GRID2: variants seen among roughly 807,000 people sequenced by gnomAD.
GRID2 encodes glutamate ionotropic receptor delta type subunit 2.
A neutral mutation model predicts 114.8 loss-of-function variants in GRID2; 33 were observed. That is an observed-to-expected ratio of 0.29 (90% CI 0.22 to 0.38). GRID2 has a LOEUF of 0.38. Ranked by LOEUF, GRID2 falls within the 10% of genes least tolerant of loss-of-function variation. GRID2 has a pLI of 1.00. For synonymous variants in GRID2, 505 were observed against 449.9 expected, an observed-to-expected ratio of 1.12 and a Z score of -1.55; for missense variants, 1,184 against 1,257.7, an observed-to-expected ratio of 0.94 and a Z score of 0.89.
intron 12 of GRID2, among the ~76,000 whole-genome samples, chr4:93,493,042 T>G (rs145766156): frequency 2.0e-4 from 30 of 151,984 alleles, no homozygotes; most frequent in African/African-American, 7.0e-4. Context: ...TGTAATATCC[T>G]CCAAGTTCAT....
chr4:93,316,328 GAAAGAAA>G (rs1560490889), intron 8 of GRID2, among the ~76,000 whole-genome samples: 5 of 49,984 alleles, frequency 1.0e-4, no homozygotes, highest in Non-Finnish European at 1.6e-4. Context: ...AAGAAAGAAA[GAAAGAAA>G]GAAAGAAGGA....
At chr4:92,681,842 A>T (rs1158139816) in intron 2 of GRID2, among the ~76,000 whole-genome samples, 3 of 152,148 alleles carry the variant, frequency 2.0e-5, no homozygotes, top group African/African-American at 7.2e-5. Context: ...GATGAAGGGT[A>T]TATGGTAAAG....
intron 10 of GRID2, among the ~76,000 whole-genome samples, chr4:93,436,130 G>A (rs1320225466): frequency 6.6e-6 from 1 of 152,206 alleles, no homozygotes; most frequent in Non-Finnish European, 1.5e-5. Context: ...CACAAAACTG[G>A]CCTATTCAGG....
At chr4:92,959,821 A>AG (rs1752675087) in intron 2 of GRID2, among the ~76,000 whole-genome samples, 1 of 151,996 alleles carries the variant, frequency 6.6e-6, no homozygotes, top group Admixed American at 6.6e-5. Context: ...ACATGGACAC[A>AG]GGGAGGGGAA....
At chr4:93,797,618 A>AT (rs890256658) in intron 1 of GRID2, among the ~76,000 whole-genome samples, 2 of 152,014 alleles carry the variant, frequency 1.3e-5, no homozygotes, top group Non-Finnish European at 2.9e-5. Context: ...CTACTTCAGC[A>AT]TTTTTCCCTC....
In GRID2 at chr4:92,980,844, T is replaced by C. The variant is rs74945001; in HGVS notation, c.245-104151T>C. On this transcript the variant is annotated intron_variant, in intron 2 of 15. Coordinates refer to ENST00000282020, the MANE Select transcript of GRID2 (RefSeq NM_001510.4). ...AGAATGAATAATATGGGTTTGAAAA[T>C]GTGGCAAATTATCCCAAAAATATGT... 3.0e-3 allele frequency among the ~76,000 whole-genome samples: 453 copies of C among 152,164 alleles called. 2 individuals carry two copies. The highest frequency in any genetic ancestry group is 9.7e-3 in the African/African-American group (401 of 41,510).
chr4:93,619,013 TAA>T (rs1741968232), intron 13 of GRID2, among the ~76,000 whole-genome samples: 1 of 152,212 alleles, frequency 6.6e-6, no homozygotes, highest in South Asian at 2.1e-4. Context: ...GAGGTGGGCA[TAA>T]CACTTCTTTT....
chr4:92,549,305 C>CATAA (rs1382180538), intron 1 of GRID2, among the ~76,000 whole-genome samples: 1 of 152,030 alleles, frequency 6.6e-6, no homozygotes, highest in African/African-American at 2.4e-5. Context: ...GAACATTATA[C>CATAA]CATTAATGTG....
chr4:93,793,817 C>T (rs1345919001), intron 1 of GRID2, among the ~76,000 whole-genome samples: 1 of 152,138 alleles, frequency 6.6e-6, no homozygotes, highest in Non-Finnish European at 1.5e-5. Context: ...ATGATGAACG[C>T]TCTCTCTTCT....
At chr4:92,521,741 AAAAG>A (rs1227982312) in intron 1 of GRID2, among the ~76,000 whole-genome samples, 2 of 151,994 alleles carry the variant, frequency 1.3e-5, no homozygotes, top group Non-Finnish European at 2.9e-5. Flanking sequence ...GCATTATAAG[AAAAG>A]ACATGTGAGA....
chr4:93,310,459 A>G lies in GRID2; in HGVS notation c.1245+71969A>G, dbSNP rs185285686. On this transcript the variant is annotated intron_variant, in intron 8 of 15. Transcript: ENST00000282020. ...GGCAGGAGAATCGCTTGAACCCGGG[A>G]GATGGAGGTTGCAGTGAACTAAGAT... 4.9e-3 allele frequency among the ~76,000 whole-genome samples: 752 copies of G among 152,236 alleles called. 2 individuals carry two copies. Among genetic ancestry groups the G allele is most frequent in the Non-Finnish European group, 8.7e-3 (593 of 68,010 alleles).
At chr4:92,400,173 A>C (rs369921573) in intron 1 of GRID2, among the ~76,000 whole-genome samples, 1 of 152,150 alleles carries the variant, frequency 6.6e-6, no homozygotes, top group East Asian at 1.9e-4. Context: ...ATATTCACAA[A>C]ATTGTGCAAC....
chr4:92,889,556 A>G (rs755388497), intron 2 of GRID2, among the ~76,000 whole-genome samples: 14 of 152,206 alleles, frequency 9.2e-5, no homozygotes, highest in Non-Finnish European at 2.1e-4. Flanking sequence ...TAGGAATACA[A>G]CTTACACAGG....
intron 2 of GRID2, among the ~76,000 whole-genome samples, chr4:92,653,428 G>A (rs978529272): frequency 6.6e-6 from 1 of 151,368 alleles, no homozygotes; most frequent in Non-Finnish European, 1.5e-5. Context: ...TTTTTTCTGA[G>A]TAACTGCAAT....
At chr4:92,975,377 A>G (rs968266801) in intron 2 of GRID2, among the ~76,000 whole-genome samples, 13 of 151,990 alleles carry the variant, frequency 8.6e-5, no homozygotes, top group Admixed American at 2.6e-4. Flanking sequence ...ACTTGGTTAG[A>G]CCATTGTCAT....
intron 8 of GRID2, among the ~76,000 whole-genome samples, chr4:93,242,573 A>G (rs756241841): frequency 2.0e-5 from 3 of 152,100 alleles, no homozygotes; most frequent in Non-Finnish European, 4.4e-5. Context: ...CTGAACATGA[A>G]TGGCAATGAA....
At chr4:92,802,398 G>C (rs1740216982) in intron 2 of GRID2, among the ~76,000 whole-genome samples, 1 of 151,790 alleles carries the variant, frequency 6.6e-6, no homozygotes. Context: ...CACCATTATA[G>C]TGTTATACGA....
At chr4:92,443,151 C>T (rs1356258675) in intron 1 of GRID2, among the ~76,000 whole-genome samples, 1 of 152,046 alleles carries the variant, frequency 6.6e-6, no homozygotes, top group Non-Finnish European at 1.5e-5. Flanking sequence ...GCACTGGGCA[C>T]AGAGACTAGG....
chr4:93,533,285 CCTTCCTT>C (rs1731669068), intron 13 of GRID2, among the ~76,000 whole-genome samples: 1 of 139,852 alleles, frequency 7.2e-6, no homozygotes. Context: ...TTCCTTCCTT[CCTTCCTT>C]CCTTCCTTCC....
Sources: allele counts gnomAD v4.1 joint callset (sites outside exome capture counted in the v4.1 genomes callset), GRCh38; gene constraint gnomAD v4.1.1; transcripts MANE v1.5; gene names NCBI Gene and HGNC (gene_info 2026-07-23, HGNC 2026-07-21).